MINDY2: variants seen among roughly 807,000 people sequenced by gnomAD.
MINDY2 encodes ubiquitin carboxyl-terminal hydrolase MINDY-2.
In MINDY2, 52 loss-of-function variants were observed where a neutral mutation model predicts 68.2. The observed-to-expected ratio is 0.76, with a 90% CI of 0.61 to 0.96. The LOEUF (loss-of-function observed/expected upper bound fraction) is 0.96, where lower values mean the gene tolerates loss of function less well. Ranked by LOEUF, MINDY2 falls within the 40% of genes least tolerant of loss-of-function variation. The pLI, the probability that MINDY2 is intolerant of heterozygous loss-of-function variation, is 0.00. For synonymous variants in MINDY2, 372 were observed against 303.0 expected, an observed-to-expected ratio of 1.23 and a Z score of -2.36; for missense variants, 881 against 773.4, an observed-to-expected ratio of 1.14 and a Z score of -1.65.
Position 58,831,790 on chromosome 15 carries a change from G to A in MINDY2, c.1242G>A (p.Gln414=). ...GTTCTATAGGCTTTGTAGCTGAGCAGTTTCTAAATAACACAGCCACTCAAC... is the reference window on the plus strand; with the variant it reads ...GTTCTATAGGCTTTGTAGCTGAGCAATTTCTAAATAACACAGCCACTCAAC... ...ELVSEGFVAE[Q]FLNNTATQLT... Residue 414 remains glutamine (Q), a synonymous_variant, in exon 6 of 9, where the codon CAG becomes CAA. Transcript: ENST00000559228. 1 of 1,613,080 alleles carries A rather than the reference G, an allele frequency of 6.2e-7. No individual in the cohort carries two copies. Among genetic ancestry groups the A allele is most frequent in the South Asian group, 1.1e-5 (1 of 90,904 alleles).
chr15:58,787,140 C>CA lies in MINDY2; in HGVS notation c.841-766_841-765insA, dbSNP rs1257079442. On this transcript the variant is annotated intron_variant, in intron 1 of 8. Transcript: ENST00000559228. ...CCCATATGCCCAGCCCATTTCTTTA[C>CA]TTTTTTTTTTTTTTTTTTTTTTTTA... Among the ~76,000 whole-genome samples, 195 of 78,150 alleles carry CA rather than the reference C, an allele frequency of 2.5e-3. 1 individual carries two copies. The highest frequency in any genetic ancestry group is 3.1e-3 in the Non-Finnish European group (137 of 44,472). 51.3% of individuals were successfully genotyped at this position (78,150 alleles called of 152,430 possible).
rs2033162305 is a variant in MINDY2 at position 58,859,680 on chromosome 15, A to G, written c.*5070A>G. The G allele has an allele frequency of 6.6e-6, 1 of 152,178 alleles. No individual in the cohort carries two copies. The allele number at this position is 152,178 out of a possible 1,614,324, so 9.4% of individuals were successfully genotyped here. On this transcript the variant is annotated 3_prime_UTR_variant, in exon 9 of 9. Coordinates refer to ENST00000559228, the MANE Select transcript of MINDY2 (RefSeq NM_001040450.3). The stretch of plus-strand genomic sequence containing the variant: ...TAATGGCATGGGAGAGGCCAGATGC[A>G]GGACTCTGGTAAATTTAACTTACTT...
chr15:58,774,492 GAA>G (rs11385535), intron 1 of MINDY2, among the ~76,000 whole-genome samples: 130 of 92,850 alleles, frequency 1.4e-3, no homozygotes, highest in African/African-American at 4.3e-3. Context: ...CCCAAAAAAA[GAA>G]AAAAAAAAAA....
chr15:58,826,225 C>CTT (rs34666834), intron 5 of MINDY2, among the ~76,000 whole-genome samples: 2,139 of 98,090 alleles, frequency 0.022, 105 homozygotes, highest in African/African-American at 0.062. Flanking sequence ...TTCACACAAT[C>CTT]TTTTTTTTTT....
intron 3 of MINDY2, among the ~76,000 whole-genome samples, chr15:58,809,893 C>T (rs2030104007): frequency 6.6e-6 from 1 of 152,196 alleles, no homozygotes; most frequent in African/African-American, 2.4e-5. Flanking sequence ...GATCCTCCCA[C>T]CTCAGCCTCC....
intron 8 of MINDY2, 118 bp from the exon 9 acceptor site, chr15:58,854,364 G>A: frequency 8.9e-7 from 1 of 1,128,680 alleles, no homozygotes; most frequent in Non-Finnish European, 1.2e-6. Context: ...TATGCCAATA[G>A]CTAGCTTCTT....
At chr15:58,795,759 G>A (rs1902242709) in intron 2 of MINDY2, among the ~76,000 whole-genome samples, 1 of 148,060 alleles carries the variant, frequency 6.8e-6, no homozygotes, top group Admixed American at 6.9e-5. Context: ...CCATTATAGT[G>A]TCTAAGTTTT....
intron 1 of MINDY2, among the ~76,000 whole-genome samples, chr15:58,784,972 A>T (rs673813): frequency 0.48 from 72,015 of 151,362 alleles, 19,419 homozygotes; most frequent in East Asian, 0.84. Context: ...AATTTAGAAA[A>T]TCAGACAGAC....
Position 58,799,180 on chromosome 15 carries a change from C to T in MINDY2, c.899-3133C>T, listed in dbSNP as rs536736339. ...AAAGTAAACTTTATTCAGGGCCAGTCGTGCCAGAACAAATGTTCAATTTTC... is the reference window on the plus strand; with the variant it reads ...AAAGTAAACTTTATTCAGGGCCAGTTGTGCCAGAACAAATGTTCAATTTTC... On this transcript the variant is annotated intron_variant, in intron 2 of 8. Transcript: ENST00000559228. Among the ~76,000 whole-genome samples, 5 of 152,250 alleles carry T rather than the reference C, an allele frequency of 3.3e-5. 1 individual carries two copies. Among genetic ancestry groups the T allele is most frequent in the African/African-American group, 9.6e-5 (4 of 41,554 alleles).
intron 4 of MINDY2, chr15:58,817,707 G>A (rs184608293): frequency 6.6e-6 from 1 of 152,212 alleles, no homozygotes; most frequent in East Asian, 1.9e-4. Flanking sequence ...GGGCGACAGA[G>A]CGAGACTCTG....
intron 1 of MINDY2, among the ~76,000 whole-genome samples, chr15:58,787,164 T>TTA (rs1555428182): frequency 1.4e-5 from 2 of 145,420 alleles, no homozygotes; most frequent in South Asian, 2.2e-4. Context: ...TTTTTTTTTT[T>TTA]ACTCTGTTGC....
chr15:58,833,824 A>C (rs970233688), intron 6 of MINDY2, among the ~76,000 whole-genome samples: 1 of 151,720 alleles, frequency 6.6e-6, no homozygotes, highest in Non-Finnish European at 1.5e-5. Context: ...TCTTATCTCA[A>C]CTGCAAAGAG....
rs1902726114 is a variant in MINDY2 at position 58,802,388 on chromosome 15, G to A, written c.963+11G>A. ...TTAAATTATGAACAGGTAATAAACA[G>A]TTTTTGTTAAAGTATATAATTTTAA... On this transcript the variant is annotated intron_variant, in intron 3 of 8. Transcript: ENST00000559228. 5 of 1,533,936 alleles carry A rather than the reference G, an allele frequency of 3.3e-6. No individual in the cohort carries two copies. The highest frequency in any genetic ancestry group is 4.4e-6 in the Non-Finnish European group (5 of 1,131,898).
At chr15:58,773,630 T>C (rs1900581916) in intron 1 of MINDY2, among the ~76,000 whole-genome samples, 1 of 152,212 alleles carries the variant, frequency 6.6e-6, no homozygotes, top group African/African-American at 2.4e-5. Flanking sequence ...GGGGACATTT[T>C]CCTTTGGTAT....
At chr15:58,779,010 C>G (rs1326972698) in intron 1 of MINDY2, among the ~76,000 whole-genome samples, 1 of 151,728 alleles carries the variant, frequency 6.6e-6, no homozygotes, top group Admixed American at 6.6e-5. Context: ...GACCTGCCCG[C>G]CTCAGCCTTC....
chr15:58,800,475 A>T (rs928329848), intron 2 of MINDY2, among the ~76,000 whole-genome samples: 1 of 152,122 alleles, frequency 6.6e-6, no homozygotes, highest in Non-Finnish European at 1.5e-5. Context: ...AATCTGTTCA[A>T]GTTTACTCAT....
Position 58,859,843 on chromosome 15 carries a change from T to C in MINDY2, c.*5233T>C, listed in dbSNP as rs1185249994. 1 of 152,220 alleles carries C rather than the reference T, an allele frequency of 6.6e-6. No individual in the cohort carries two copies. The highest frequency in any genetic ancestry group is 2.4e-5 in the African/African-American group (1 of 41,454). The allele number at this position is 152,220 out of a possible 1,614,324, so 9.4% of individuals were successfully genotyped here. ...GGATTCTACTTTCTAATTTTACTTT[T>C]CTGATCTCAAGAAAATTAAACTTGA... On this transcript the variant is annotated 3_prime_UTR_variant, in exon 9 of 9. Transcript: ENST00000559228.
intron 2 of MINDY2, among the ~76,000 whole-genome samples, chr15:58,794,140 G>A (rs1409488393): frequency 6.6e-6 from 1 of 151,984 alleles, no homozygotes; most frequent in Non-Finnish European, 1.5e-5. Flanking sequence ...GGAATCTAAG[G>A]TATGAAGGTG....
At chr15:58,811,283 C>CT (rs1317594793) in intron 4 of MINDY2, among the ~76,000 whole-genome samples, 3 of 152,238 alleles carry the variant, frequency 2.0e-5, no homozygotes, top group Non-Finnish European at 4.4e-5. Context: ...ATCCATCACT[C>CT]TAACTGTACA....
Sources: allele counts gnomAD v4.1 joint callset (sites outside exome capture counted in the v4.1 genomes callset), GRCh38; gene constraint gnomAD v4.1.1; transcripts MANE v1.5; gene names NCBI Gene and HGNC (gene_info 2026-07-23, HGNC 2026-07-21).